ZNF804B: variants seen among roughly 807,000 people sequenced by gnomAD.
ZNF804B encodes zinc finger 804B.
ZNF804B carries 80 observed loss-of-function variants against 101.4 expected under a neutral mutation model. The observed-to-expected ratio is 0.79, with a 90% CI of 0.66 to 0.95. The LOEUF is 0.95. Ranked by LOEUF, ZNF804B falls within the 40% of genes least tolerant of loss-of-function variation. The pLI is 0.00. For missense variants in ZNF804B, 1,673 were observed against 1,561.9 expected, an observed-to-expected ratio of 1.07 and a Z score of -1.20; for synonymous variants, 622 against 558.8, an observed-to-expected ratio of 1.11 and a Z score of -1.59.
intron 1 of ZNF804B, among the ~76,000 whole-genome samples, chr7:89,071,807 T>C (rs1789546218): frequency 8.2e-6 from 1 of 122,456 alleles, no homozygotes; most frequent in Non-Finnish European, 1.6e-5. Context: ...CACACACATT[T>C]AATTTGTCTT....
chr7:88,839,383 C>T (rs1791263509), intron 1 of ZNF804B, among the ~76,000 whole-genome samples: 1 of 151,872 alleles, frequency 6.6e-6, no homozygotes, highest in Non-Finnish European at 1.5e-5. Flanking sequence ...ATATAACCTA[C>T]CTTAGGTATA....
rs1793337703 is a variant in ZNF804B, at chr7:88,958,055, A to G, written c.108+197971A>G. ...ACCTCACAGCAGTGAATCTGACATC[A>G]GGTGATTGCTTTCTAGATTTCTGAG... On this transcript the variant is annotated intron_variant, in intron 1 of 3. Transcript: ENST00000333190. Among the ~76,000 whole-genome samples the G allele has an allele frequency of 2.0e-5, 3 of 151,342 alleles. No homozygotes were observed. The Admixed American group carries it at 2.0e-4, about 10-fold the overall frequency.
intron 2 of ZNF804B, among the ~76,000 whole-genome samples, chr7:89,289,872 C>T (rs1790259217): frequency 6.6e-6 from 1 of 152,188 alleles, no homozygotes; most frequent in African/African-American, 2.4e-5. Flanking sequence ...ACTAAGATAC[C>T]AGACAGGTGG....
intron 2 of ZNF804B, among the ~76,000 whole-genome samples, chr7:89,308,784 G>C (rs1584117267): frequency 6.6e-6 from 1 of 152,226 alleles, no homozygotes; most frequent in South Asian, 2.1e-4. Flanking sequence ...CCTGTGGCAA[G>C]GATTCAACTC....
At chr7:89,067,332 G>A (rs575260589) in intron 1 of ZNF804B, among the ~76,000 whole-genome samples, 25 of 152,146 alleles carry the variant, frequency 1.6e-4, no homozygotes, top group African/African-American at 6.0e-4. Flanking sequence ...GCCTTCGTAG[G>A]GCTTACTTGA....
At chr7:88,910,866 C>T (rs115142141) in intron 1 of ZNF804B, among the ~76,000 whole-genome samples, 1 of 151,918 alleles carries the variant, frequency 6.6e-6, no homozygotes, top group East Asian at 1.9e-4. Flanking sequence ...AATATTCTTC[C>T]AGCAAGCCTT....
intron 1 of ZNF804B, among the ~76,000 whole-genome samples, chr7:89,138,355 T>A (rs1790667474): frequency 6.6e-6 from 1 of 152,026 alleles, no homozygotes; most frequent in South Asian, 2.1e-4. Context: ...AGATACGGAG[T>A]CAAAGGAGAT....
At chr7:89,285,546 A>AAAAAAAAAAAAAAAAAGAAGAAGAAG (rs1554389597) in intron 2 of ZNF804B, among the ~76,000 whole-genome samples, 2 of 93,422 alleles carry the variant, frequency 2.1e-5, no homozygotes, top group African/African-American at 1.0e-4. Flanking sequence ...AAAAAAAAAA[A>AAAAAAAAAAAAAAAAAGAAGAAGAAG]AAGAAGAAGA....
chr7:88,875,487 G>A (rs1242636608), intron 1 of ZNF804B, among the ~76,000 whole-genome samples: 4 of 152,052 alleles, frequency 2.6e-5, no homozygotes, highest in East Asian at 1.9e-4. Flanking sequence ...TATCACCACC[G>A]ATCCCACAGA....
intron 1 of ZNF804B, among the ~76,000 whole-genome samples, chr7:88,862,158 T>TAAAGTAGTATAAA (rs1244787396): frequency 9.9e-5 from 15 of 152,242 alleles, no homozygotes; most frequent in Non-Finnish European, 1.8e-4. Flanking sequence ...CTAAAGGACA[T>TAAAGTAGTATAAA]GTAGTATAAA....
Position 88,901,246 on chromosome 7 carries a change from A to G in ZNF804B, c.108+141162A>G, listed in dbSNP as rs185950672. Among the ~76,000 whole-genome samples, 45 of 152,014 alleles carry G rather than the reference A, an allele frequency of 3.0e-4. No individual in the cohort carries two copies. The East Asian group carries it at 8.1e-3, about 27-fold the overall frequency. On this transcript the variant is annotated intron_variant, in intron 1 of 3. Coordinates refer to ENST00000333190, the MANE Select transcript of ZNF804B (RefSeq NM_181646.5). ...CAGTCTAAAATAAAAGTGAGCATGT[A>G]GGACATTAATTGTACTTGTCTGAAA... is the stretch of plus-strand genomic sequence containing the variant.
intron 1 of ZNF804B, among the ~76,000 whole-genome samples, chr7:89,189,191 A>G (rs1421606721): frequency 1.3e-5 from 2 of 152,190 alleles, no homozygotes; most frequent in Non-Finnish European, 2.9e-5. Flanking sequence ...ACAACAAAGC[A>G]TGGAAGACAA....
intron 1 of ZNF804B, among the ~76,000 whole-genome samples, chr7:89,082,613 C>A (rs1332221810): frequency 6.6e-6 from 1 of 151,722 alleles, no homozygotes; most frequent in African/African-American, 2.4e-5. Context: ...TGCCATCTAT[C>A]ACTAGGTTGC....
chr7:89,186,969 C>T (rs908615065), intron 1 of ZNF804B, among the ~76,000 whole-genome samples: 1 of 152,080 alleles, frequency 6.6e-6, no homozygotes, highest in Non-Finnish European at 1.5e-5. Flanking sequence ...TTTTCTAGCC[C>T]CTGCCTTTCT....
chr7:89,217,144 G>A (rs1004373293), intron 1 of ZNF804B, among the ~76,000 whole-genome samples: 1 of 152,164 alleles, frequency 6.6e-6, no homozygotes, highest in African/African-American at 2.4e-5. Flanking sequence ...CATGAAAACA[G>A]ATAATTTAAT....
chr7:89,098,984 T>A lies in ZNF804B; in HGVS notation c.109-119171T>A, dbSNP rs531500104. On this transcript the variant is annotated intron_variant, in intron 1 of 3. Coordinates refer to ENST00000333190, the MANE Select transcript of ZNF804B (RefSeq NM_181646.5). ...GAAATGAAATCTTGAATGAAAACTA[T>A]AATTCAACAGTGCAGTACAATTATA... is the stretch of plus-strand genomic sequence containing the variant. Among the ~76,000 whole-genome samples the A allele has an allele frequency of 2.0e-5, 3 of 150,000 alleles. No individual in the cohort carries two copies. The East Asian group carries it at 5.8e-4, about 29-fold the overall frequency.
At chr7:88,911,728 C>T (rs1792552948) in intron 1 of ZNF804B, among the ~76,000 whole-genome samples, 1 of 151,690 alleles carries the variant, frequency 6.6e-6, no homozygotes, top group Admixed American at 6.6e-5. Context: ...AAATTATACA[C>T]AGCCATATAA....
chr7:88,851,106 CA>C (rs1425993153), intron 1 of ZNF804B, among the ~76,000 whole-genome samples: 5 of 151,862 alleles, frequency 3.3e-5, no homozygotes, highest in African/African-American at 7.3e-5. Context: ...AAACATAAAG[CA>C]AAAAGCCTGG....
intron 1 of ZNF804B, among the ~76,000 whole-genome samples, chr7:89,079,746 T>G (rs576758038): frequency 6.6e-6 from 1 of 152,152 alleles, no homozygotes; most frequent in East Asian, 1.9e-4. Flanking sequence ...AAGGCCCTTC[T>G]CAGAGGTGAC....
Sources: allele counts gnomAD v4.1 joint callset (sites outside exome capture counted in the v4.1 genomes callset), GRCh38; gene constraint gnomAD v4.1.1; transcripts MANE v1.5; gene names NCBI Gene and HGNC (gene_info 2026-07-23, HGNC 2026-07-21).